CCDC102B: variants seen among roughly 807,000 people sequenced by gnomAD.
CCDC102B encodes coiled-coil domain-containing protein 102B.
A neutral mutation model predicts 57.4 loss-of-function variants in CCDC102B; 75 were observed. That is an observed-to-expected ratio of 1.31 (90% CI 1.08 to 1.58). The LOEUF (loss-of-function observed/expected upper bound fraction) is 1.58. Among genes scored for constraint, CCDC102B ranks in the 40% most tolerant of loss-of-function variants. The probability of loss-of-function intolerance (pLI) is 0.00; values close to 1 mark genes in which losing one functional copy is unlikely to be tolerated. For synonymous variants in CCDC102B, 206 were observed against 201.9 expected (o/e 1.02, Z -0.17); for missense variants, 636 against 582.6 (o/e 1.09, Z -0.94).
chr18:69,036,866 G>A (rs1259488208), intron 7 of CCDC102B, among the ~76,000 whole-genome samples: 1 of 152,058 alleles, frequency 6.6e-6, no homozygotes, highest in African/African-American at 2.4e-5. Flanking sequence ...TCAGATATCT[G>A]TTAAAGGAAG....
chr18:68,889,222 G>A (rs1000609911), intron 5 of CCDC102B, among the ~76,000 whole-genome samples: 2 of 152,130 alleles, frequency 1.3e-5, no homozygotes, highest in African/African-American at 2.4e-5. Context: ...ATTAGGTCAC[G>A]AGAGCAGAGT....
In CCDC102B at chr18:68,799,827, A is replaced by G. The variant is rs115821421; in HGVS notation, c.-16+1646A>G. On this transcript the variant is annotated intron_variant, in intron 1 of 7. Coordinates refer to ENST00000360242, the MANE Select transcript of CCDC102B (RefSeq NM_024781.3). ...AATTTATCTGATTGGAGCAGAAAAA[A>G]TATACCTTTGTGAGTATCAGACGTT... 7.0e-3 allele frequency among the ~76,000 whole-genome samples: 1,063 copies of G among 152,314 alleles called. 15 individuals are homozygous for G. The highest frequency in any genetic ancestry group is 0.024 in the African/African-American group (984 of 41,580).
chr18:68,930,499 T>G (rs2041632209), intron 6 of CCDC102B, among the ~76,000 whole-genome samples: 1 of 151,880 alleles, frequency 6.6e-6, no homozygotes, highest in Non-Finnish European at 1.5e-5. Context: ...TCAGGTGTGC[T>G]ATAGGTGGTT....
At chr18:68,844,806 G>A (rs574700817) in intron 3 of CCDC102B, among the ~76,000 whole-genome samples, 5 of 151,860 alleles carry the variant, frequency 3.3e-5, no homozygotes, top group South Asian at 2.1e-4. Context: ...ATCATTATAA[G>A]CAACTTGGGT....
intron 4 of CCDC102B, among the ~76,000 whole-genome samples, chr18:68,848,580 T>C (rs1048224629): frequency 1.3e-5 from 2 of 152,052 alleles, no homozygotes; most frequent in Non-Finnish European, 2.9e-5. Context: ...AATTGTAAAA[T>C]CTAAGTGTTT....
At chr18:68,766,250 C>T (rs546726064) in intron 2 of CCDC102B, among the ~76,000 whole-genome samples, 2 of 152,254 alleles carry the variant, frequency 1.3e-5, no homozygotes, top group East Asian at 3.9e-4. Flanking sequence ...GCTACTTCTG[C>T]TTCTGTGGTC....
chr18:68,805,017 C>G (rs892303362), intron 1 of CCDC102B, among the ~76,000 whole-genome samples: 9 of 151,900 alleles, frequency 5.9e-5, no homozygotes, highest in Non-Finnish European at 1.2e-4. Context: ...TTAGATAGAG[C>G]ATACAAATGG....
At chr18:69,047,979 T>G (rs888136219) in intron 7 of CCDC102B, among the ~76,000 whole-genome samples, 44 of 152,274 alleles carry the variant, frequency 2.9e-4, no homozygotes, top group African/African-American at 7.9e-4. Flanking sequence ...ACAGATTAAA[T>G]GCTATTCCTA....
chr18:68,737,208 C>T lies in CCDC102B; in HGVS notation c.-67+20614C>T, dbSNP rs140782287. 1.1e-4 allele frequency among the ~76,000 whole-genome samples: 16 copies of T among 152,026 alleles called. No individual in the cohort carries two copies. The East Asian group carries it at 2.7e-3, about 26-fold the overall frequency. Reference sequence around the variant, plus strand: ...CATGGGGGTAACATGTCTGGGCACCCGAAAACAAAGTATTCTTGACAGTCC... The same window carrying T: ...CATGGGGGTAACATGTCTGGGCACCTGAAAACAAAGTATTCTTGACAGTCC... On this transcript the variant is annotated intron_variant, in intron 2 of 3. Coordinates refer to the CCDC102B transcript ENST00000578970.
In CCDC102B at chr18:68,777,613, C is replaced by T. The variant is rs149207418; in HGVS notation, c.-66-45753C>T. Among the ~76,000 whole-genome samples the T allele has an allele frequency of 4.1e-3, 627 of 152,240 alleles. 3 individuals are homozygous for T. Among genetic ancestry groups the T allele is most frequent in the Non-Finnish European group, 5.0e-3 (340 of 68,014 alleles). On this transcript the variant is annotated intron_variant, in intron 2 of 3. Transcript: ENST00000578970. Reference sequence around the variant, plus strand: ...CATGGGTTAAAGGGGGTATTTAGATCTCTATGCTTGCAGAAAAAGAAACTA... The same window carrying T: ...CATGGGTTAAAGGGGGTATTTAGATTTCTATGCTTGCAGAAAAAGAAACTA...
upstream of CCDC102B, among the ~76,000 whole-genome samples, chr18:68,794,191 T>G (rs995790639): frequency 1.3e-5 from 2 of 152,138 alleles, no homozygotes; most frequent in Non-Finnish European, 2.9e-5. Flanking sequence ...GTTTTACTGC[T>G]GTTCTCAATG....
chr18:68,718,587 T>G (rs2032154550), intron 2 of CCDC102B, among the ~76,000 whole-genome samples: 1 of 152,174 alleles, frequency 6.6e-6, no homozygotes, highest in South Asian at 2.1e-4. Flanking sequence ...TCTGTACTTT[T>G]CTGTGTTTGG....
upstream of CCDC102B, among the ~76,000 whole-genome samples, chr18:68,797,761 T>TTG (rs1599475823): frequency 6.6e-6 from 1 of 151,640 alleles, no homozygotes; most frequent in East Asian, 1.9e-4. Flanking sequence ...CCTGGGCTTT[T>TTG]TTTTTTTTTT....
intron 6 of CCDC102B, among the ~76,000 whole-genome samples, chr18:68,990,027 T>C (rs1024475759): frequency 6.6e-6 from 1 of 152,170 alleles, no homozygotes; most frequent in Non-Finnish European, 1.5e-5. Flanking sequence ...CACTCCTGGA[T>C]CATCCCACAC....
intron 1 of CCDC102B, among the ~76,000 whole-genome samples, chr18:68,818,473 C>T (rs546047021): frequency 1.3e-4 from 20 of 152,250 alleles, no homozygotes; most frequent in African/African-American, 4.8e-4. Flanking sequence ...CCCATGTAGC[C>T]AATACCCAGA....
At chr18:68,765,836 T>G (rs2034453682) in intron 2 of CCDC102B, among the ~76,000 whole-genome samples, 2 of 152,116 alleles carry the variant, frequency 1.3e-5, no homozygotes, top group Admixed American at 6.6e-5. Context: ...TACTTTTTCT[T>G]TCTTTCTTTC....
At chr18:68,795,948 G>T (rs1238178733), upstream of CCDC102B, among the ~76,000 whole-genome samples, 1 of 152,080 alleles carries the variant, frequency 6.6e-6, no homozygotes, top group Non-Finnish European at 1.5e-5. Context: ...ATAAGAGAGG[G>T]GATAAAAGTA....
At chr18:69,002,470 T>A (rs1291758965) in intron 6 of CCDC102B, among the ~76,000 whole-genome samples, 1 of 151,996 alleles carries the variant, frequency 6.6e-6, no homozygotes, top group Non-Finnish European at 1.5e-5. Context: ...TTGTGAAAAA[T>A]AATGCAGGCA....
intron 2 of CCDC102B, among the ~76,000 whole-genome samples, chr18:68,752,215 G>A (rs569459275): frequency 5.4e-4 from 82 of 152,068 alleles, no homozygotes; most frequent in African/African-American, 1.7e-3. Context: ...AGCCAAGATC[G>A]CGCCACTGCA....
Sources: allele counts gnomAD v4.1 joint callset (sites outside exome capture counted in the v4.1 genomes callset), GRCh38; gene constraint gnomAD v4.1.1; transcripts MANE v1.5; gene names NCBI Gene and HGNC (gene_info 2026-07-23, HGNC 2026-07-21).